The following UCHL3 variants were observed in gnomAD, a reference collection of about 807,000 sequenced individuals.
UCHL3 encodes the protein ubiquitin carboxyl-terminal hydrolase isozyme L3.
UCHL3 carries 22 observed loss-of-function variants against 35.8 expected under a neutral mutation model. The observed-to-expected ratio is 0.61, with a 90% CI of 0.44 to 0.88. The LOEUF is 0.88. Ranked by LOEUF, UCHL3 falls within the 40% of genes least tolerant of loss-of-function variation. The pLI, the probability that UCHL3 is intolerant of heterozygous loss-of-function variation, is 0.00. For synonymous variants in UCHL3, 90 were observed against 92.8 expected, an observed-to-expected ratio of 0.97 and a Z score of 0.17; for missense variants, 229 against 276.9, an observed-to-expected ratio of 0.83 and a Z score of 1.23.
At chr13:75,594,867 T>G in intron 6 of UCHL3, 48 bp from the exon 7 acceptor site, 1 of 1,385,422 alleles carries the variant, frequency 7.2e-7, no homozygotes, top group Non-Finnish European at 1.0e-6. Flanking sequence ...ATGACTGATT[T>G]GTTTGACTAC....
At chr13:75,556,953 G>A (rs1181051681) in intron 2 of UCHL3, among the ~76,000 whole-genome samples, 2 of 152,186 alleles carry the variant, frequency 1.3e-5, no homozygotes, top group Non-Finnish European at 2.9e-5. Context: ...GAGTGCAGTG[G>A]TTCACAGCTA....
At position 75,549,834 on chromosome 13, in the gene UCHL3, G is replaced by C; in HGVS notation, c.14G>C (p.Arg5Pro). The change falls in exon 1 of 9, where the codon CGC (arginine) becomes CCC (proline). Residue 5 changes from arginine (R) to proline (P), a missense_variant. By Grantham distance (103) the Arg-to-Pro change is moderately radical. Transcript: ENST00000377595. ...GGCACCGCGGCCATGGAGGGTCAAC[G>C]CTGGCTGCCGCTGGAGGCCAATCCC... MEGQ[R>P]WLPLEANPEV... 1 of 1,596,704 alleles carries C rather than the reference G, an allele frequency of 6.3e-7. No individual in the cohort carries two copies.
intron 2 of UCHL3, among the ~76,000 whole-genome samples, chr13:75,554,975 A>G (rs2031243279): frequency 6.6e-6 from 1 of 152,138 alleles, no homozygotes; most frequent in Admixed American, 6.5e-5. Context: ...TTTAGCTCTC[A>G]CAAGTGAGAA....
chr13:75,582,772 C>T (rs143020690), intron 6 of UCHL3, among the ~76,000 whole-genome samples: 1 of 152,294 alleles, frequency 6.6e-6, no homozygotes, highest in African/African-American at 2.4e-5. Flanking sequence ...TTAACAATTG[C>T]ATTAACAGTT....
chr13:75,588,363 CT>C (rs1195097993), intron 6 of UCHL3, among the ~76,000 whole-genome samples: 1 of 151,922 alleles, frequency 6.6e-6, no homozygotes, highest in Non-Finnish European at 1.5e-5. Flanking sequence ...TTTATTTCCC[CT>C]TTTTATTCAT....
intron 7 of UCHL3, among the ~76,000 whole-genome samples, chr13:75,598,006 C>T (rs1457706719): frequency 1.3e-5 from 2 of 152,046 alleles, no homozygotes; most frequent in African/African-American, 4.8e-5. Context: ...TAAAATGACT[C>T]CTTGTGGATA....
At chr13:75,574,075 A>G (rs7331205) in intron 6 of UCHL3, among the ~76,000 whole-genome samples, 87,700 of 151,978 alleles carry the variant, frequency 0.58, 27,112 homozygotes, top group Non-Finnish European at 0.69. Context: ...AAAACTAGCC[A>G]GGTGTGGTGG....
chr13:75,584,142 C>T (rs567725728), intron 6 of UCHL3, among the ~76,000 whole-genome samples: 1 of 152,250 alleles, frequency 6.6e-6, no homozygotes, highest in South Asian at 2.1e-4. Flanking sequence ...GGGGCAGGTT[C>T]TTCTACCACT....
At chr13:75,558,452 AT>A (rs2031366436) in intron 2 of UCHL3, among the ~76,000 whole-genome samples, 1 of 152,224 alleles carries the variant, frequency 6.6e-6, no homozygotes, top group African/African-American at 2.4e-5. Context: ...CAGATGTAAA[AT>A]TGCTCTGTTG....
At chr13:75,584,502 T>C (rs1486888111) in intron 6 of UCHL3, among the ~76,000 whole-genome samples, 1 of 152,208 alleles carries the variant, frequency 6.6e-6, no homozygotes, top group African/African-American at 2.4e-5. Flanking sequence ...TTGACTAGGT[T>C]GGCTTATCCC....
chr13:75,577,169 C>CA (rs1285042728), intron 6 of UCHL3, among the ~76,000 whole-genome samples: 1 of 152,074 alleles, frequency 6.6e-6, no homozygotes, highest in East Asian at 1.9e-4. Flanking sequence ...AGGATGGCTT[C>CA]AGCTCAGGAG....
chr13:75,579,688 C>G (rs1261137676), intron 6 of UCHL3, among the ~76,000 whole-genome samples: 10 of 152,138 alleles, frequency 6.6e-5, no homozygotes, highest in Admixed American at 6.5e-4. Context: ...CCAGTTCACA[C>G]TTCCAGATCT....
intron 2 of UCHL3, among the ~76,000 whole-genome samples, chr13:75,559,678 G>A (rs2031427658): frequency 6.6e-6 from 1 of 152,052 alleles, no homozygotes; most frequent in Non-Finnish European, 1.5e-5. Flanking sequence ...CATTCTTCAG[G>A]GAGAAATGCC....
At chr13:75,582,543 C>T (rs1325030294) in intron 6 of UCHL3, among the ~76,000 whole-genome samples, 1 of 152,116 alleles carries the variant, frequency 6.6e-6, no homozygotes. Flanking sequence ...TTGGACTCTT[C>T]ACCAGAATGA....
intron 6 of UCHL3, among the ~76,000 whole-genome samples, chr13:75,589,535 A>G (rs1055526596): frequency 6.6e-6 from 1 of 151,950 alleles, no homozygotes; most frequent in Non-Finnish European, 1.5e-5. Flanking sequence ...TTTTTTACCA[A>G]TGCCTATCAC....
intron 2 of UCHL3, among the ~76,000 whole-genome samples, chr13:75,555,844 C>T (rs1187612551): frequency 2.6e-5 from 4 of 152,198 alleles, no homozygotes; most frequent in Admixed American, 1.3e-4. Context: ...TCTGCCACCT[C>T]AGCCTCCTGA....
intron 6 of UCHL3, among the ~76,000 whole-genome samples, chr13:75,571,398 T>G (rs1223889114): frequency 6.6e-6 from 1 of 152,226 alleles, no homozygotes; most frequent in Non-Finnish European, 1.5e-5. Flanking sequence ...TTAGACATCA[T>G]CTGAATGACC....
chr13:75,563,135 G>GTATC (rs2138479401), intron 3 of UCHL3, among the ~76,000 whole-genome samples: 1 of 129,814 alleles, frequency 7.7e-6, no homozygotes, highest in South Asian at 2.5e-4. Context: ...CTTTATGTAT[G>GTATC]TATGTATGTA....
At chr13:75,582,487 T>C (rs1346272129) in intron 6 of UCHL3, among the ~76,000 whole-genome samples, 2 of 152,176 alleles carry the variant, frequency 1.3e-5, no homozygotes, top group African/African-American at 4.8e-5. Context: ...CTGGCAAACA[T>C]TGGTGTCGTT....
Sources: gnomAD v4.1 joint callset for allele counts (sites outside exome capture counted in the v4.1 genomes callset) on GRCh38, gnomAD v4.1.1 for gene constraint, MANE v1.5 for transcripts, NCBI Gene and HGNC (gene_info 2026-07-23, HGNC 2026-07-21) for gene names.